The following ADAMTS5 variants were observed in gnomAD, a reference collection of about 807,000 sequenced individuals.
ADAMTS5 encodes the protein A disintegrin and metalloproteinase with thrombospondin motifs 5.
A neutral mutation model predicts 81.4 loss-of-function variants in ADAMTS5; 54 were observed. The ratio of observed to expected loss-of-function variants is 0.66; its 90% CI spans 0.53 to 0.83. The LOEUF is 0.83. ADAMTS5 is among the 40% of genes least tolerant of loss of function. The pLI, the probability that ADAMTS5 is intolerant of heterozygous loss-of-function variation, is 0.00. For synonymous variants in ADAMTS5, 532 were observed against 508.8 expected (o/e 1.05, Z -0.61); for missense variants, 1,194 against 1,229.9 (o/e 0.97, Z 0.44).
At chr21:26,932,767 TTAA>T in intron 5 of ADAMTS5, 91 bp downstream of exon 5, 1 of 1,364,016 alleles carries the variant, frequency 7.3e-7, no homozygotes, top group Non-Finnish European at 9.9e-7. Flanking sequence ...CAGTATAAGA[TTAA>T]TATTATTTCC....
intron 3 of ADAMTS5, among the ~76,000 whole-genome samples, chr21:26,937,975 C>T (rs966230470): frequency 6.6e-6 from 1 of 152,172 alleles, no homozygotes; most frequent in Non-Finnish European, 1.5e-5. Context: ...TGCGGTGGCT[C>T]ATGCCTGTAA....
rs769121701 is a variant in ADAMTS5, at chr21:26,924,382, C to A, written c.2464G>T (p.Gly822Cys). 2 of 1,614,018 alleles carry A rather than the reference C, an allele frequency of 1.2e-6. No homozygotes were observed. Among genetic ancestry groups the A allele is most frequent in the Non-Finnish European group, 1.7e-6 (2 of 1,179,902 alleles). ...SHRDDFLHGM[G>C]YSATKEILIV... is the part of the protein sequence containing the mutation. ...AGAATTTCCTTCGTGGCAGAGTAGC[C>A]CATGCCATGCAGGAAGTCATCCCTG... Residue 822 changes from glycine to cysteine, a missense_variant, in exon 8 of 8, where the codon GGC becomes TGC. Gly to Cys is a radical substitution (Grantham distance 159). Coordinates refer to ENST00000284987, the MANE Select transcript of ADAMTS5 (RefSeq NM_007038.5).
At chr21:26,933,220 G>A (rs755986878) in intron 4 of ADAMTS5, among the ~76,000 whole-genome samples, 176 bp from the exon 5 acceptor site, 2 of 152,118 alleles carry the variant, frequency 1.3e-5, no homozygotes, top group East Asian at 1.9e-4. Context: ...CCAGTGCTAA[G>A]CAATTCATCT....
intron 2 of ADAMTS5, among the ~76,000 whole-genome samples, chr21:26,950,579 G>A (rs1341031568): frequency 6.6e-6 from 1 of 152,178 alleles, no homozygotes; most frequent in Non-Finnish European, 1.5e-5. Flanking sequence ...CTTTTTGACT[G>A]CCTATCCAGA....
In ADAMTS5 at chr21:26,924,145, G is replaced by A. The variant is rs530611184; in HGVS notation, c.2701C>T (p.Gln901Ter). 1.2e-6 allele frequency: 2 copies of A among 1,613,996 alleles called. No individual in the cohort carries two copies. The highest frequency in any genetic ancestry group is 1.7e-5 in the Admixed American group (1 of 60,020). ...CDTGWHTRTVQCQDGNRKLAK... is the reference protein window; with the variant it reads ...CDTGWHTRTV ...AACTTCCGGTTTCCATCCTGGCACT[G>A]CACCGTTCTGGTGTGCCAACCTGTG... is the stretch of plus-strand genomic sequence containing the variant. Residue 901 changes from glutamine (Q) to a stop codon, truncating the protein, a stop_gained, in exon 8 of 8, where the codon CAG becomes TAG. Coordinates refer to ENST00000284987, the MANE Select transcript of ADAMTS5 (RefSeq NM_007038.5). LOFTEE classifies it high-confidence loss of function.
At chr21:26,925,306 C>A (rs1476987367) in intron 7 of ADAMTS5, among the ~76,000 whole-genome samples, 2 of 152,246 alleles carry the variant, frequency 1.3e-5, no homozygotes, top group South Asian at 4.2e-4. Context: ...ATAAATGAAG[C>A]ATGCAATTCT....
intron 3 of ADAMTS5, among the ~76,000 whole-genome samples, chr21:26,937,510 TTA>T (rs1987035683): frequency 6.6e-6 from 1 of 152,228 alleles, no homozygotes; most frequent in African/African-American, 2.4e-5. Context: ...TTACATTGAA[TTA>T]TGTCCTTTTG....
chr21:26,964,804 G>A (rs565761678), intron 1 of ADAMTS5, among the ~76,000 whole-genome samples: 22 of 152,274 alleles, frequency 1.4e-4, no homozygotes, highest in Admixed American at 1.3e-3. Flanking sequence ...CTAGTAAAAA[G>A]GTGTGGACAC....
intron 3 of ADAMTS5, among the ~76,000 whole-genome samples, chr21:26,941,759 T>A (rs1474540973): frequency 1.3e-5 from 2 of 152,106 alleles, no homozygotes; most frequent in Non-Finnish European, 2.9e-5. Context: ...TCAGAAAACC[T>A]GAAAAGAAGT....
intron 7 of ADAMTS5, 65 bp downstream of exon 7, chr21:26,929,821 A>T: frequency 6.6e-7 from 1 of 1,509,428 alleles, no homozygotes; most frequent in Non-Finnish European, 9.0e-7. Flanking sequence ...ATCCTCCTTT[A>T]TCAATTCTGC....
At position 26,965,465 on chromosome 21, in the gene ADAMTS5, G is replaced by T. The variant is rs1230441433; in HGVS notation, c.927C>A (p.Asn309Lys). The change falls in exon 1 of 8, where the codon AAC becomes AAA. Residue 309 changes from asparagine to lysine, a missense_variant. Physicochemically the swap from Asn to Lys is moderately conservative, Grantham distance 94 (BLOSUM62 0). Transcript: ENST00000284987. ...CCTTCACCACGGCCAGGCGGATGTG[G>T]TTCTCGATGCTAGCATGGCTGTACA... Reference protein sequence around the residue: ...NRLYSHASIENHIRLAVVKVV... With the variant: ...NRLYSHASIEKHIRLAVVKVV... The T allele has an allele frequency of 6.2e-7, 1 of 1,614,150 alleles. No individual in the cohort carries two copies. Among genetic ancestry groups the T allele is most frequent in the African/African-American group, 1.3e-5 (1 of 74,952 alleles).
rs1269014589 is a variant in ADAMTS5, at chr21:26,966,147, G to C, written c.245C>G (p.Ser82Cys). The change falls in exon 1 of 8, where the codon TCC becomes TGC. Residue 82 changes from serine (S) to cysteine (C), a missense_variant. Ser to Cys is a moderately radical substitution (Grantham distance 112). Transcript: ENST00000284987. ...GLVQNIDQLY[S>C]GGGKVGYLVY... ...GAGGTAGCCCACCTTGCCGCCGCCG[G>C]AGTAGAGTTGGTCGATGTTCTGCAC... The C allele has an allele frequency of 1.2e-6, 2 of 1,611,576 alleles. No individual in the cohort carries two copies. Among genetic ancestry groups the C allele is most frequent in the Admixed American group, 1.7e-5 (1 of 59,930 alleles).
intron 7 of ADAMTS5, among the ~76,000 whole-genome samples, chr21:26,929,660 T>A (rs138221070): frequency 2.0e-5 from 3 of 152,312 alleles, no homozygotes; most frequent in African/African-American, 7.2e-5. Context: ...TTCCCATGGC[T>A]ACTGCAGTTT....
At chr21:26,960,287 C>G (rs1281817832) in intron 1 of ADAMTS5, among the ~76,000 whole-genome samples, 2 of 152,204 alleles carry the variant, frequency 1.3e-5, no homozygotes, top group Non-Finnish European at 2.9e-5. Context: ...AGGTTCATTT[C>G]AGAACACACC....
At chr21:26,947,970 G>T (rs162492) in intron 2 of ADAMTS5, among the ~76,000 whole-genome samples, 36,603 of 152,110 alleles carry the variant, frequency 0.24, 5,300 homozygotes, top group Admixed American at 0.32. Flanking sequence ...TGTTAGCTCA[G>T]AAATAGCAAA....
In ADAMTS5 at chr21:26,922,068, T is replaced by A. The variant is rs185825244; in HGVS notation, c.*1985A>T. 3 of 152,228 alleles carry A rather than the reference T, an allele frequency of 2.0e-5. No individual in the cohort carries two copies. Among genetic ancestry groups the A allele is most frequent in the Admixed American group, 2.0e-4 (3 of 15,294 alleles). The allele number at this position is 152,228 out of a possible 1,614,324, so 9.4% of individuals were successfully genotyped here. ...AATGGCACTGGGATTATTATTTTTT[T>A]TCTCACCTATTTAACTAGGTTTGCT... is the stretch of plus-strand genomic sequence containing the variant. On this transcript the variant is annotated 3_prime_UTR_variant, in exon 8 of 8. Coordinates refer to ENST00000284987, the MANE Select transcript of ADAMTS5 (RefSeq NM_007038.5).
intron 3 of ADAMTS5, among the ~76,000 whole-genome samples, chr21:26,941,343 C>A (rs939417576): frequency 1.3e-5 from 2 of 151,728 alleles, no homozygotes; most frequent in African/African-American, 4.8e-5. Context: ...AAATTATGTT[C>A]TTAGTTGTTC....
At chr21:26,931,882 C>A in intron 6 of ADAMTS5, 122 bp downstream of exon 6, 1 of 944,022 alleles carries the variant, frequency 1.1e-6, no homozygotes, top group African/African-American at 1.7e-5. Context: ...AAAATAAAAA[C>A]CTTCCAAAAT....
intron 7 of ADAMTS5, 32 bp from the exon 8 acceptor site, chr21:26,924,652 G>C (rs377255265): frequency 2.5e-4 from 380 of 1,526,254 alleles, no homozygotes; most frequent in Middle Eastern, 2.5e-3. Context: ...GGAAGTGGGG[G>C]AAGGTGGTTA....
Sources: allele counts gnomAD v4.1 joint callset (sites outside exome capture counted in the v4.1 genomes callset), GRCh38; gene constraint gnomAD v4.1.1; transcripts MANE v1.5; gene names NCBI Gene and HGNC (gene_info 2026-07-23, HGNC 2026-07-21).